DSG3: variants seen among roughly 807,000 people sequenced by gnomAD.
DSG3 encodes the protein desmoglein-3.
DSG3 carries 63 observed loss-of-function variants against 85.9 expected under a neutral mutation model. The observed-to-expected ratio is 0.73, with a 90% CI of 0.60 to 0.90. The LOEUF (loss-of-function observed/expected upper bound fraction) is 0.90, where lower values mean the gene tolerates loss of function less well. DSG3 is among the 40% of genes least tolerant of loss of function. The probability of loss-of-function intolerance (pLI) is 0.00; values close to 1 mark genes in which losing one functional copy is unlikely to be tolerated. For missense variants in DSG3, 1,220 were observed against 1,219.9 expected (o/e 1.00, Z 0.00); for synonymous variants, 447 against 441.9 (o/e 1.01, Z -0.14).
intron 5 of DSG3, 119 bp from the exon 6 acceptor site, chr18:31,459,726 T>C (rs2072771714): frequency 2.0e-6 from 2 of 1,016,062 alleles, no homozygotes; most frequent in South Asian, 3.6e-5. Flanking sequence ...TTTTTGAACA[T>C]ACAGATGATT....
At chr18:31,467,036 A>G (rs1187646486) in intron 11 of DSG3, among the ~76,000 whole-genome samples, 1 of 152,192 alleles carries the variant, frequency 6.6e-6, no homozygotes, top group African/African-American at 2.4e-5. Context: ...GTGCACCCAA[A>G]AAAGATTAGA....
At chr18:31,460,762 A>G (rs1413214854) in intron 6 of DSG3, 71 bp from the exon 7 acceptor site, 1 of 1,324,656 alleles carries the variant, frequency 7.5e-7, no homozygotes, top group East Asian at 2.6e-5. Context: ...CCTTACCCAT[A>G]GGAATCAAGT....
At chr18:31,455,979 A>G (rs900709857) in intron 1 of DSG3, among the ~76,000 whole-genome samples, 6 of 152,196 alleles carry the variant, frequency 3.9e-5, no homozygotes, top group Non-Finnish European at 8.8e-5. Flanking sequence ...GAGGACTAAT[A>G]CAGGATTGCC....
intron 3 of DSG3, 50 bp downstream of exon 3, chr18:31,457,174 G>A (rs774901936): frequency 6.5e-7 from 1 of 1,549,576 alleles, no homozygotes; most frequent in Admixed American, 2.0e-5. Context: ...AATGTATAAG[G>A]TGTAAATTAA....
chr18:31,449,150 G>A (rs190545719), intron 1 of DSG3, among the ~76,000 whole-genome samples: 24 of 152,218 alleles, frequency 1.6e-4, no homozygotes, highest in Admixed American at 1.2e-3. Context: ...CGTCCACCTC[G>A]GCCTCCCATA....
chr18:31,474,119 A>C lies in DSG3; in HGVS notation c.2102-2A>C, dbSNP rs571710800. On this transcript the variant is annotated splice_acceptor_variant, in intron 14 of 15. Coordinates refer to ENST00000257189, the MANE Select transcript of DSG3 (RefSeq NM_001944.3). LOFTEE classifies it high-confidence loss of function. ...TTACAGAATGTTCTCCCTTGTTTTT[A>C]GAAGTTTGTACAAATACGTATGCCA... is the stretch of plus-strand genomic sequence containing the variant. 5 of 1,606,412 alleles carry C rather than the reference A, an allele frequency of 3.1e-6. No individual in the cohort carries two copies. The East Asian group carries it at 1.1e-4, about 36-fold the overall frequency.
intron 10 of DSG3, among the ~76,000 whole-genome samples, chr18:31,466,067 T>C (rs1201983073): frequency 1.3e-5 from 2 of 152,226 alleles, no homozygotes; most frequent in Non-Finnish European, 2.9e-5. Context: ...TTTTATTTCA[T>C]TATTTTTTAT....
chr18:31,454,676 T>TTG (rs1412041938), intron 1 of DSG3, among the ~76,000 whole-genome samples: 1 of 151,676 alleles, frequency 6.6e-6, no homozygotes, highest in African/African-American at 2.4e-5. Context: ...TTAGTTTGTT[T>TTG]TTTTTTTTTT....
At position 31,458,621 on chromosome 18, in the gene DSG3, T is replaced by C. The variant is rs909012469; in HGVS notation, c.372+21T>C. 3.7e-6 allele frequency: 6 copies of C among 1,607,500 alleles called. No homozygotes were observed. The Admixed American group carries it at 5.1e-5, about 14-fold the overall frequency. On this transcript the variant is annotated intron_variant, in intron 4 of 15. Coordinates refer to ENST00000257189, the MANE Select transcript of DSG3 (RefSeq NM_001944.3). ...TCCTGGTAAGTTTGGGTCCTCAACA[T>C]TGGGCTACCCTTCTCCTTGTATACC...
At chr18:31,466,135 A>G (rs2072817019) in intron 10 of DSG3, among the ~76,000 whole-genome samples, 1 of 152,182 alleles carries the variant, frequency 6.6e-6, no homozygotes. Context: ...ATAAAAATAT[A>G]CAATTTTTTA....
At chr18:31,462,084 T>G (rs1385048466) in intron 8 of DSG3, among the ~76,000 whole-genome samples, 5 of 151,336 alleles carry the variant, frequency 3.3e-5, no homozygotes, top group Non-Finnish European at 7.4e-5. Flanking sequence ...TTGTTTTTGT[T>G]TTTTTTGAGA....
In DSG3 at chr18:31,458,605, G is replaced by A; in HGVS notation, c.372+5G>A. ...GAGGAAACTCCAAGCTTCCTGGTAA[G>A]TTTGGGTCCTCAACATTGGGCTACC... On this transcript the variant is annotated splice_donor_5th_base_variant and intron_variant, in intron 4 of 15. Transcript: ENST00000257189. 6.2e-7 allele frequency: 1 copy of A among 1,611,802 alleles called. No individual in the cohort carries two copies. Among genetic ancestry groups the A allele is most frequent in the East Asian group, 2.2e-5 (1 of 44,862 alleles).
chr18:31,454,334 T>A (rs1025272129), intron 1 of DSG3, among the ~76,000 whole-genome samples: 2 of 152,244 alleles, frequency 1.3e-5, no homozygotes, highest in Non-Finnish European at 2.9e-5. Context: ...TACATTTATC[T>A]GGTCTTTTCT....
At chr18:31,471,303 C>T (rs2072853752) in intron 12 of DSG3, among the ~76,000 whole-genome samples, 2 of 152,106 alleles carry the variant, frequency 1.3e-5, no homozygotes, top group Non-Finnish European at 2.9e-5. Context: ...GGAGTTGGGC[C>T]TTTACCTATA....
In DSG3 at chr18:31,461,277, T is replaced by C; in HGVS notation, c.864T>C (p.Phe288=). 6.2e-7 allele frequency: 1 copy of C among 1,613,642 alleles called. No homozygotes were observed. The highest frequency in any genetic ancestry group is 1.3e-5 in the African/African-American group (1 of 75,036). The change falls in exon 8 of 16, where the codon TTT becomes TTC. Residue 288 remains phenylalanine, a synonymous_variant. Transcript: ENST00000257189. ...ENILSSELLR[F]QVTDLDEEYT... is the part of the protein sequence containing the mutation. Reference sequence around the variant, plus strand: ...TTTTAAGTTCTGAATTACTTCGATTTCAAGTAACAGATTTGGATGAAGAGT... The same window carrying C: ...TTTTAAGTTCTGAATTACTTCGATTCCAAGTAACAGATTTGGATGAAGAGT...
chr18:31,459,311 G>T, intron 5 of DSG3, 134 bp downstream of exon 5: 1 of 861,412 alleles, frequency 1.2e-6, no homozygotes, highest in South Asian at 1.9e-5. Flanking sequence ...AATTCATTAA[G>T]ATAAATCTGG....
chr18:31,473,171 T>C (rs1438894089), intron 14 of DSG3, among the ~76,000 whole-genome samples: 1 of 152,200 alleles, frequency 6.6e-6, no homozygotes, highest in African/African-American at 2.4e-5. Context: ...ACTTTGTCTT[T>C]TCCAAACATT....
intron 12 of DSG3, among the ~76,000 whole-genome samples, chr18:31,469,874 TATCATATGCTATTAAG>T (rs1250421215): frequency 6.6e-6 from 1 of 150,552 alleles, no homozygotes; most frequent in African/African-American, 2.5e-5. Flanking sequence ...TTAATATTAA[TATCATATGCTATTAAG>T]ATAGCTAGGT....
At chr18:31,455,147 T>C (rs1286570633) in intron 1 of DSG3, among the ~76,000 whole-genome samples, 1 of 152,190 alleles carries the variant, frequency 6.6e-6, no homozygotes, top group East Asian at 1.9e-4. Context: ...TCTCCAATTC[T>C]TCATCTGTAT....
Sources: gnomAD v4.1 joint callset for allele counts (sites outside exome capture counted in the v4.1 genomes callset) on GRCh38, gnomAD v4.1.1 for gene constraint, MANE v1.5 for transcripts, NCBI Gene and HGNC (gene_info 2026-07-23, HGNC 2026-07-21) for gene names.